OR3A2: variants seen among roughly 807,000 people sequenced by gnomAD.
The protein encoded by OR3A2 is olfactory receptor 3A2.
For synonymous variants in OR3A2, 126 were observed against 159.3 expected (o/e 0.79, Z 1.57); for missense variants, 318 against 392.8 (o/e 0.81, Z 1.61).
intron 2 of OR3A2, among the ~76,000 whole-genome samples, chr17:3,365,165 GA>G (rs1021167912): frequency 3.0e-4 from 46 of 152,226 alleles, no homozygotes; most frequent in Middle Eastern, 3.4e-3. Flanking sequence ...GAGAAGTCTG[GA>G]AAACAATTCA....
chr17:3,299,323 T>C (rs1002805626), intron 3 of OR3A2, among the ~76,000 whole-genome samples: 17 of 152,164 alleles, frequency 1.1e-4, no homozygotes, highest in Non-Finnish European at 2.4e-4. Context: ...TTCTCCAACC[T>C]TGGCTTTCTA....
At chr17:3,298,288 T>C (rs948149328) in intron 3 of OR3A2, 1 of 152,162 alleles carries the variant, frequency 6.6e-6, no homozygotes, top group Non-Finnish European at 1.5e-5. Context: ...CTCACCTGGA[T>C]TACCACTCTC....
At chr17:3,287,823 T>C (rs804238), upstream of OR3A2, among the ~76,000 whole-genome samples, 80,444 of 151,320 alleles carry the variant, frequency 0.53, 22,107 homozygotes, top group East Asian at 0.93. Flanking sequence ...GTTTTTCTAT[T>C]ATATATATAT....
At chr17:3,366,533 A>T (rs2049565384) in intron 2 of OR3A2, among the ~76,000 whole-genome samples, 1 of 152,236 alleles carries the variant, frequency 6.6e-6, no homozygotes, top group Admixed American at 6.5e-5. Context: ...GTTTCTTGTG[A>T]AAAGCTTCAC....
intron 3 of OR3A2, among the ~76,000 whole-genome samples, chr17:3,326,696 C>T (rs1041725629): frequency 9.3e-6 from 1 of 107,524 alleles, no homozygotes; most frequent in Non-Finnish European, 1.8e-5. Context: ...AATGCTATCC[C>T]TCCCCCCTCC....
At chr17:3,352,762 A>AT (rs1345308596) in intron 2 of OR3A2, among the ~76,000 whole-genome samples, 4 of 151,392 alleles carry the variant, frequency 2.6e-5, no homozygotes, top group African/African-American at 9.7e-5. Flanking sequence ...AAATTTTAGG[A>AT]TTTTTTTCTA....
chr17:3,288,436 C>T (rs2048835662), upstream of OR3A2, among the ~76,000 whole-genome samples: 1 of 152,118 alleles, frequency 6.6e-6, no homozygotes, highest in Admixed American at 6.6e-5. Flanking sequence ...GTAGGCCATA[C>T]CACCTAGGTT....
At chr17:3,315,724 C>T (rs1308956638) in intron 3 of OR3A2, among the ~76,000 whole-genome samples, 1 of 138,734 alleles carries the variant, frequency 7.2e-6, no homozygotes, top group African/African-American at 2.7e-5. Flanking sequence ...ATAAATAAAA[C>T]TTTTAAAGTG....
chr17:3,291,736 C>CA, intron 3 of OR3A2: 1 of 1,613,776 alleles, frequency 6.2e-7, no homozygotes, highest in South Asian at 1.1e-5. Context: ...GGATTGATGA[C>CA]AGTGTTGAAA....
rs73309888 is a variant in OR3A2, at chr17:3,380,694, G to A, written c.-179+3110C>T. ...GGGCTCATCCAGGACTAAGACTGTG[G>A]TTAAAGAGAAAGCTACTGGGCACAC... is the stretch of plus-strand genomic sequence containing the variant. On this transcript the variant is annotated intron_variant, in intron 2 of 4. Transcript: ENST00000573491. Among the ~76,000 whole-genome samples the A allele has an allele frequency of 2.8e-3, 424 of 152,304 alleles. 2 individuals are homozygous for A. The highest frequency in any genetic ancestry group is 8.4e-3 in the African/African-American group (350 of 41,562).
At chr17:3,351,701 C>T (rs2049421523) in intron 2 of OR3A2, among the ~76,000 whole-genome samples, 2 of 149,544 alleles carry the variant, frequency 1.3e-5, no homozygotes, top group Admixed American at 1.3e-4. Context: ...TCATATGGAA[C>T]CAAAAAAGAG....
chr17:3,335,058 C>T (rs909096233), intron 3 of OR3A2, among the ~76,000 whole-genome samples: 3 of 151,888 alleles, frequency 2.0e-5, no homozygotes, highest in East Asian at 1.9e-4. Flanking sequence ...CTTTACTTTG[C>T]CTTTTCTGCT....
chr17:3,283,034 C>T (rs1360769193), intron 1 of OR3A2, among the ~76,000 whole-genome samples: 4 of 152,134 alleles, frequency 2.6e-5, no homozygotes, highest in African/African-American at 7.2e-5. Flanking sequence ...CTCTTTCTCT[C>T]TCTCTCTCTC....
chr17:3,319,522 C>A (rs1044134653), intron 3 of OR3A2, among the ~76,000 whole-genome samples: 7 of 152,148 alleles, frequency 4.6e-5, no homozygotes, highest in South Asian at 2.1e-4. Context: ...GCTATCCTTC[C>A]CCCATCCCAC....
exon 2 of OR3A2, chr17:3,278,364 G>A (rs1483697234): frequency 6.2e-6 from 10 of 1,614,198 alleles, no homozygotes; most frequent in Non-Finnish European, 8.5e-6. Flanking sequence ...GAAGAGCTGT[G>A]GGAGGTCACA....
chr17:3,298,698 G>A (rs1049815511), intron 3 of OR3A2, among the ~76,000 whole-genome samples: 1 of 152,198 alleles, frequency 6.6e-6, no homozygotes, highest in Non-Finnish European at 1.5e-5. Flanking sequence ...GGGAGCAGAA[G>A]GGGGCCCCCG....
At chr17:3,313,214 T>G (rs1283938196) in intron 3 of OR3A2, among the ~76,000 whole-genome samples, 3 of 152,140 alleles carry the variant, frequency 2.0e-5, no homozygotes, top group African/African-American at 7.2e-5. Context: ...GGACAAGAAG[T>G]TGGAAGTTGA....
intron 3 of OR3A2, chr17:3,292,381 T>G (rs2048883279): frequency 6.2e-6 from 10 of 1,613,978 alleles, no homozygotes; most frequent in Non-Finnish European, 7.6e-6. Flanking sequence ...ACTGATAGGT[T>G]CCCCAGGAAG....
intron 2 of OR3A2, among the ~76,000 whole-genome samples, chr17:3,363,792 G>C (rs1352169958): frequency 6.6e-6 from 1 of 152,182 alleles, no homozygotes; most frequent in Admixed American, 6.5e-5. Flanking sequence ...AAGCATGACT[G>C]GGAGGCCTTA....
Sources: gnomAD v4.1 joint callset for allele counts (sites outside exome capture counted in the v4.1 genomes callset) on GRCh38, gnomAD v4.1.1 for gene constraint, MANE v1.5 for transcripts, NCBI Gene and HGNC (gene_info 2026-07-23, HGNC 2026-07-21) for gene names.